KAZN: variants seen among roughly 807,000 people sequenced by gnomAD.
KAZN encodes the protein kazrin.
KAZN carries 40 observed loss-of-function variants against 87.4 expected under a neutral mutation model. The observed-to-expected ratio is 0.46, with a 90% CI of 0.36 to 0.60. KAZN has a LOEUF of 0.60. KAZN is among the 20% of genes least tolerant of loss of function. The pLI is 0.00. For synonymous variants in KAZN, 466 were observed against 458.3 expected (o/e 1.02, Z -0.22); for missense variants, 898 against 1,073.9 (o/e 0.84, Z 2.29).
chr1:14,127,492 G>A (rs1644899937), intron 1 of KAZN, among the ~76,000 whole-genome samples: 1 of 151,272 alleles, frequency 6.6e-6, no homozygotes, highest in African/African-American at 2.4e-5. Flanking sequence ...CAGGAGGCCA[G>A]GAAATCCAAC....
At chr1:14,242,360 G>C (rs1649040114) in intron 2 of KAZN, among the ~76,000 whole-genome samples, 1 of 152,148 alleles carries the variant, frequency 6.6e-6, no homozygotes, top group Non-Finnish European at 1.5e-5. Context: ...GTTTCCTTGG[G>C]GGGAAGCCCA....
intron 2 of KAZN, among the ~76,000 whole-genome samples, chr1:14,990,172 G>A (rs1667214086): frequency 6.6e-6 from 1 of 152,174 alleles, no homozygotes; most frequent in Non-Finnish European, 1.5e-5. Context: ...AGCAAACTGT[G>A]GCTGGCCCTT....
At chr1:14,110,343 C>T (rs982084691) in intron 1 of KAZN, among the ~76,000 whole-genome samples, 1 of 152,202 alleles carries the variant, frequency 6.6e-6, no homozygotes, top group African/African-American at 2.4e-5. Flanking sequence ...TATATTAATA[C>T]ACATCCACAT....
At chr1:14,465,850 GA>G (rs1668096128) in intron 2 of KAZN, among the ~76,000 whole-genome samples, 2 of 152,276 alleles carry the variant, frequency 1.3e-5, no homozygotes, top group Admixed American at 1.3e-4. Context: ...ACCATATAAT[GA>G]CATTTTGGTC....
chr1:13,929,872 G>C (rs529745912), intron 1 of KAZN, among the ~76,000 whole-genome samples: 1 of 152,332 alleles, frequency 6.6e-6, no homozygotes, highest in South Asian at 2.1e-4. Flanking sequence ...CGTAGCAACT[G>C]CCTGCAGTAG....
intron 1 of KAZN, among the ~76,000 whole-genome samples, chr1:13,935,479 C>G (rs1233390580): frequency 6.6e-6 from 1 of 152,170 alleles, no homozygotes; most frequent in Non-Finnish European, 1.5e-5. Context: ...TATGCTGCCA[C>G]CATCCTACTT....
Position 14,599,117 on chromosome 1 carries a change from G to GAGC in KAZN, c.121_123dup (p.Ser41dup), listed in dbSNP as rs1553194774. 6.5e-7 allele frequency: 1 copy of GAGC among 1,532,852 alleles called. No homozygotes were observed. The highest frequency in any genetic ancestry group is 2.1e-5 in the Admixed American group (1 of 47,828). 95.0% of individuals were successfully genotyped at this position (1,532,852 alleles called of 1,614,324 possible). On this transcript the variant is annotated inframe_insertion, in exon 1 of 15. Coordinates refer to ENST00000376030, the MANE Select transcript of KAZN (RefSeq NM_201628.3). The surrounding 1 kb of genome is among the most constrained non-coding windows in gnomAD (Gnocchi z 4.4). The stretch of plus-strand genomic sequence containing the variant: ...CCACCAACCGGAGACTGGCGGAACT[G>GAGC]AGCGGCGGCGGCGGCCCCGGCCCGG...
At chr1:15,033,962 G>C (rs1271788264) in intron 2 of KAZN, among the ~76,000 whole-genome samples, 3 of 152,052 alleles carry the variant, frequency 2.0e-5, no homozygotes, top group East Asian at 3.9e-4. Flanking sequence ...CTGGTCTCAA[G>C]CTCCTGATCT....
chr1:14,818,474 G>T (rs1474081451), intron 1 of KAZN, among the ~76,000 whole-genome samples: 1 of 152,244 alleles, frequency 6.6e-6, no homozygotes, highest in African/African-American at 2.4e-5. Flanking sequence ...AGGGACAAGG[G>T]TCACGAAGCA....
chr1:14,528,503 G>A (rs1421465933), intron 2 of KAZN, among the ~76,000 whole-genome samples: 1 of 151,734 alleles, frequency 6.6e-6, no homozygotes, highest in Admixed American at 6.6e-5. Flanking sequence ...GACAGCCCCC[G>A]ACCAGTACAG....
chr1:14,157,887 A>T (rs1345949109), intron 1 of KAZN, among the ~76,000 whole-genome samples: 1 of 152,208 alleles, frequency 6.6e-6, no homozygotes, highest in East Asian at 1.9e-4. Context: ...AAGAAAGAAG[A>T]GAAAGCGAAG....
chr1:14,592,999 C>T (rs1676294252), intron 2 of KAZN, among the ~76,000 whole-genome samples: 1 of 152,188 alleles, frequency 6.6e-6, no homozygotes, highest in Non-Finnish European at 1.5e-5. Flanking sequence ...AGCTTATCCA[C>T]TCAACAAGTA....
chr1:14,674,633 T>G (rs561681252), intron 1 of KAZN, among the ~76,000 whole-genome samples: 1 of 152,356 alleles, frequency 6.6e-6, no homozygotes, highest in South Asian at 2.1e-4. Flanking sequence ...CCACTTGTCC[T>G]TGTTCACTCT....
intron 8 of KAZN, chr1:15,068,154 C>A (rs1639344291): frequency 3.5e-6 from 3 of 869,084 alleles, no homozygotes; most frequent in Non-Finnish European, 4.1e-6. Context: ...AAAATATGAT[C>A]GAATTCTATG....
intron 2 of KAZN, among the ~76,000 whole-genome samples, chr1:14,557,639 T>G (rs903513554): frequency 5.0e-5 from 7 of 140,794 alleles, no homozygotes; most frequent in African/African-American, 1.1e-4. Flanking sequence ...GGTGTGTGTG[T>G]GTGTGTGTGT....
chr1:14,864,028 GT>G (rs1651166578), intron 1 of KAZN, among the ~76,000 whole-genome samples: 2 of 152,274 alleles, frequency 1.3e-5, no homozygotes, highest in South Asian at 4.1e-4. Flanking sequence ...TTCAGAGGCT[GT>G]TATGAGCCAG....
chr1:14,546,651 A>G (rs563310099), intron 2 of KAZN, among the ~76,000 whole-genome samples: 1 of 152,312 alleles, frequency 6.6e-6, no homozygotes, highest in East Asian at 1.9e-4. Flanking sequence ...ACTGCTTTCT[A>G]TTGATTTTAT....
chr1:14,608,320 T>G (rs1221301674), intron 1 of KAZN, among the ~76,000 whole-genome samples: 3 of 152,246 alleles, frequency 2.0e-5, no homozygotes, highest in Non-Finnish European at 2.9e-5. Flanking sequence ...AGATGGGGAC[T>G]GAGTTATCTT....
At chr1:14,465,837 T>G (rs1309119421) in intron 2 of KAZN, among the ~76,000 whole-genome samples, 1 of 152,230 alleles carries the variant, frequency 6.6e-6, no homozygotes, top group Non-Finnish European at 1.5e-5. Context: ...TATATAGTTA[T>G]GCACCATATA....
Sources: allele counts gnomAD v4.1 joint callset (sites outside exome capture counted in the v4.1 genomes callset), GRCh38; gene constraint gnomAD v4.1.1; non-coding constraint Gnocchi (gnomAD v3.1); transcripts MANE v1.5; gene names NCBI Gene and HGNC (gene_info 2026-07-23, HGNC 2026-07-21).